Variants in CCDC171 observed in about 807,000 individuals in gnomAD.
CCDC171 encodes coiled-coil domain-containing protein 171.
A neutral mutation model predicts 168.2 loss-of-function variants in CCDC171; 177 were observed. That is an observed-to-expected ratio of 1.05 (90% CI 0.93 to 1.19). The LOEUF (loss-of-function observed/expected upper bound fraction) is 1.19. Among genes scored for constraint, CCDC171 ranks in the 50% most tolerant of loss-of-function variants. The pLI is 0.00. For synonymous variants in CCDC171, 687 were observed against 540.8 expected (o/e 1.27, Z -3.75); for missense variants, 1,991 against 1,539.0 (o/e 1.29, Z -4.91).
chr9:15,642,366 T>TATATATAC (rs2046704064), intron 7 of CCDC171, among the ~76,000 whole-genome samples: 1 of 48,200 alleles, frequency 2.1e-5, no homozygotes, highest in African/African-American at 4.5e-5. Flanking sequence ...TATATATATA[T>TATATATAC]ATATATATAT....
chr9:16,051,915 G>A (rs1833756703), intron 1 of CCDC171, among the ~76,000 whole-genome samples: 1 of 152,210 alleles, frequency 6.6e-6, no homozygotes, highest in Non-Finnish European at 1.5e-5. Flanking sequence ...CGAATGAGGA[G>A]CAAAGTCACG....
Position 15,849,205 on chromosome 9 carries a change from G to A in CCDC171, c.3468+258G>A, listed in dbSNP as rs542379040. ...TGTAATTGCACTAGGAATTATTTGCGGTCTTTGCTGAACAAAGCAGAGGTC... is the reference window on the plus strand; with the variant it reads ...TGTAATTGCACTAGGAATTATTTGCAGTCTTTGCTGAACAAAGCAGAGGTC... On this transcript the variant is annotated intron_variant, in intron 23 of 25. Coordinates refer to ENST00000380701, the MANE Select transcript of CCDC171 (RefSeq NM_173550.4). Among the ~76,000 whole-genome samples, 16 of 151,348 alleles carry A rather than the reference G, an allele frequency of 1.1e-4. No individual in the cohort carries two copies. In the East Asian group the frequency reaches 2.7e-3, roughly 26 times the overall value.
At chr9:15,719,416 AAGAG>A (rs145961792) in intron 11 of CCDC171, among the ~76,000 whole-genome samples, 511 of 7,448 alleles carry the variant, frequency 0.069, 12 homozygotes, top group South Asian at 0.31. Flanking sequence ...GGGCGGGGGA[AAGAG>A]AGAGAGAGAG....
At chr9:15,624,046 A>C (rs1456172975) in intron 7 of CCDC171, among the ~76,000 whole-genome samples, 1 of 152,178 alleles carries the variant, frequency 6.6e-6, no homozygotes, top group Middle Eastern at 3.2e-3. Flanking sequence ...ATAATTTGTA[A>C]TCTTTATTAG....
chr9:15,621,642 A>G (rs1221054982), intron 6 of CCDC171, among the ~76,000 whole-genome samples: 1 of 152,252 alleles, frequency 6.6e-6, no homozygotes, highest in African/African-American at 2.4e-5. Context: ...GATGCTGGCG[A>G]GGTTGTGGAG....
intron 9 of CCDC171, among the ~76,000 whole-genome samples, chr9:15,676,719 A>T (rs1051153156): frequency 5.9e-5 from 9 of 152,122 alleles, no homozygotes; most frequent in African/African-American, 2.2e-4. Context: ...TATCAGAGGA[A>T]AATTTAAAAC....
chr9:16,100,862 G>A, the CCDC171 span, among the ~76,000 whole-genome samples: 22 of 152,282 alleles, frequency 1.4e-4, no homozygotes, highest in Non-Finnish European at 2.6e-4. Flanking sequence ...GGGGGCCTGG[G>A]GTGGTTTCTT....
chr9:15,813,848 C>G (rs192775414), intron 21 of CCDC171, among the ~76,000 whole-genome samples: 32 of 152,126 alleles, frequency 2.1e-4, no homozygotes, highest in African/African-American at 6.3e-4. Context: ...CCTTATGCAG[C>G]CATGTTAGAT....
chr9:16,085,505 C>T, the CCDC171 span, among the ~76,000 whole-genome samples: 2 of 152,316 alleles, frequency 1.3e-5, no homozygotes, highest in East Asian at 1.9e-4. Flanking sequence ...CTGGAAACCT[C>T]TGCAGCCAGT....
Position 15,679,728 on chromosome 9 carries a change from T to A in CCDC171, c.1215+832T>A, listed in dbSNP as rs2049909818. ...TTGCTTGGCTAGTTTAAAAATTTTTTTACAGAGATGAGGTCTCGCTATGTT... is the reference window on the plus strand; with the variant it reads ...TTGCTTGGCTAGTTTAAAAATTTTTATACAGAGATGAGGTCTCGCTATGTT... On this transcript the variant is annotated intron_variant, in intron 10 of 25. Coordinates refer to ENST00000380701, the MANE Select transcript of CCDC171 (RefSeq NM_173550.4). Among the ~76,000 whole-genome samples, 7 of 152,176 alleles carry A rather than the reference T, an allele frequency of 4.6e-5. No homozygotes were observed. In the South Asian group the frequency reaches 1.5e-3, roughly 32 times the overall value.
In CCDC171 at chr9:15,743,004, C is replaced by T. The variant is rs116064657; in HGVS notation, c.2050-1269C>T. Reference sequence around the variant, plus strand: ...CTGTTGCCCAGGTTGGTCCTAAACTCCTGCCCTCAAGTGATCCTCTCACCT... The same window carrying T: ...CTGTTGCCCAGGTTGGTCCTAAACTTCTGCCCTCAAGTGATCCTCTCACCT... On this transcript the variant is annotated intron_variant, in intron 16 of 25. Coordinates refer to ENST00000380701, the MANE Select transcript of CCDC171 (RefSeq NM_173550.4). Among the ~76,000 whole-genome samples the T allele has an allele frequency of 9.6e-3, 1,451 of 151,898 alleles. 28 individuals carry two copies. The highest frequency in any genetic ancestry group is 0.033 in the African/African-American group (1,385 of 41,396).
At chr9:15,988,905 T>C (rs1564104078) in intron 3 of CCDC171, among the ~76,000 whole-genome samples, 1 of 152,142 alleles carries the variant, frequency 6.6e-6, no homozygotes, top group East Asian at 1.9e-4. Flanking sequence ...TTGCTGAGGC[T>C]CGAGTAGGTA....
chr9:15,638,848 G>T (rs1047307027), intron 7 of CCDC171, among the ~76,000 whole-genome samples: 2 of 151,956 alleles, frequency 1.3e-5, no homozygotes, highest in South Asian at 2.1e-4. Flanking sequence ...ACTGGAAAAA[G>T]AAATATCCAT....
chr9:16,101,242 A>C, the CCDC171 span, among the ~76,000 whole-genome samples: 4 of 152,360 alleles, frequency 2.6e-5, no homozygotes, highest in East Asian at 7.7e-4. Flanking sequence ...GGTAACATAC[A>C]GGGCACCCAG....
chr9:15,731,355 C>G (rs898367968), intron 16 of CCDC171, among the ~76,000 whole-genome samples: 1 of 152,084 alleles, frequency 6.6e-6, no homozygotes, highest in Non-Finnish European at 1.5e-5. Flanking sequence ...CATGTTCTCT[C>G]TTCCAGTCAG....
chr9:15,609,876 T>C (rs901348058), intron 6 of CCDC171, among the ~76,000 whole-genome samples: 1 of 152,174 alleles, frequency 6.6e-6, no homozygotes, highest in Admixed American at 6.5e-5. Flanking sequence ...TCAAGAGACC[T>C]TCCTGTAATT....
chr9:15,750,689 C>T (rs1210594636), intron 18 of CCDC171, among the ~76,000 whole-genome samples: 1 of 152,204 alleles, frequency 6.6e-6, no homozygotes, highest in Non-Finnish European at 1.5e-5. Context: ...ACATGATTAT[C>T]TCAATGGATG....
chr9:15,760,464 C>T (rs930605275), intron 18 of CCDC171, among the ~76,000 whole-genome samples: 4 of 151,982 alleles, frequency 2.6e-5, no homozygotes, highest in Non-Finnish European at 5.9e-5. Context: ...ATCTGGGTAC[C>T]GTTGCTTACT....
chr9:15,599,140 C>A (rs1330018098), intron 6 of CCDC171, among the ~76,000 whole-genome samples: 1 of 152,100 alleles, frequency 6.6e-6, no homozygotes, highest in African/African-American at 2.4e-5. Flanking sequence ...AGCATTTAGC[C>A]CATTTACATT....
Sources: allele counts gnomAD v4.1 joint callset (sites outside exome capture counted in the v4.1 genomes callset), GRCh38; gene constraint gnomAD v4.1.1; transcripts MANE v1.5; gene names NCBI Gene and HGNC (gene_info 2026-07-23, HGNC 2026-07-21).